The following CYREN variants were observed in gnomAD, a reference collection of about 807,000 sequenced individuals.
CYREN encodes the protein cell cycle regulator of NHEJ, also known as cell cycle regulator of non-homologous end joining.
In CYREN, 7 loss-of-function variants were observed where a neutral mutation model predicts 9.7. The ratio of observed to expected loss-of-function variants is 0.72; its 90% CI spans 0.41 to 1.36. The LOEUF is 1.36. Among genes scored for constraint, CYREN ranks in the 40% most tolerant of loss-of-function variants. CYREN has a pLI of 0.01. For missense variants in CYREN, 215 were observed against 198.1 expected (o/e 1.09, Z -0.51); for synonymous variants, 76 against 77.9 (o/e 0.98, Z 0.13).
At chr7:135,169,227 A>G in intron 1 of CYREN, 167 bp from the exon 2 acceptor site, 1 of 230,652 alleles carries the variant, frequency 4.3e-6, no homozygotes, top group South Asian at 7.9e-5. Context: ...CTCAGGAGAG[A>G]GCCCTCTGAC....
At chr7:135,133,479 A>C (rs1046476007) in intron 2 of CYREN, among the ~76,000 whole-genome samples, 2 of 152,232 alleles carry the variant, frequency 1.3e-5, no homozygotes, top group African/African-American at 2.4e-5. Flanking sequence ...CAATTTTGAC[A>C]AACAAGGATA....
chr7:135,149,077 T>G (rs978835648), intron 2 of CYREN, among the ~76,000 whole-genome samples: 47 of 152,218 alleles, frequency 3.1e-4, no homozygotes, highest in African/African-American at 1.1e-3. Context: ...ACTCAGTCCA[T>G]GAGATATTTT....
intron 2 of CYREN, chr7:135,094,604 T>G (rs1278763325): frequency 4.4e-6 from 2 of 450,802 alleles, no homozygotes; most frequent in African/African-American, 4.0e-5. Flanking sequence ...AGAAGAAGAG[T>G]AAACATTGTG....
downstream of CYREN, chr7:135,164,413 C>T (rs753566403): frequency 5.7e-6 from 9 of 1,578,766 alleles, no homozygotes; most frequent in East Asian, 2.3e-5. Context: ...GTGACTTCCC[C>T]GCAGGTCCCC....
chr7:135,169,107 C>G (rs1014743749), intron 1 of CYREN, 47 bp from the exon 2 acceptor site: 4 of 600,478 alleles, frequency 6.7e-6, no homozygotes, highest in Admixed American at 3.3e-5. Flanking sequence ...CTCCAGTCAT[C>G]AGGCACAGTT....
intron 2 of CYREN, among the ~76,000 whole-genome samples, chr7:135,108,975 T>C (rs1825195729): frequency 6.6e-6 from 1 of 152,232 alleles, no homozygotes; most frequent in African/African-American, 2.4e-5. Context: ...TGGTCTATTC[T>C]GCTGTTAATA....
chr7:135,134,907 C>T (rs1188470926), intron 2 of CYREN: 2 of 1,551,008 alleles, frequency 1.3e-6, no homozygotes, highest in Non-Finnish European at 1.7e-6. Flanking sequence ...CCAGAAATCA[C>T]CCTTTTGTAA....
rs995015338 is a variant in CYREN, at chr7:135,168,569, C to T, written c.137+217G>A. 3 of 618,226 alleles carry T rather than the reference C, an allele frequency of 4.9e-6. No homozygotes were observed. The South Asian group carries it at 6.3e-5, about 13-fold the overall frequency. The allele number at this position is 618,226 out of a possible 1,614,324, so 38.3% of individuals were successfully genotyped here. A position where few individuals can be genotyped will look rare whatever the true frequency, so the allele number is the denominator to read the frequency against. On this transcript the variant is annotated intron_variant, in intron 2 of 3. Coordinates refer to ENST00000393114, the MANE Select transcript of CYREN (RefSeq NM_024033.4). ...GTGTGTGCTGAGGGCAGGGCACTCA[C>T]CAGTGCAGAGGCAGAAGTGGGTGCC...
At chr7:135,106,818 A>G (rs1824798565) in intron 2 of CYREN, among the ~76,000 whole-genome samples, 1 of 152,184 alleles carries the variant, frequency 6.6e-6, no homozygotes, top group Non-Finnish European at 1.5e-5. Flanking sequence ...ATCTGATTGA[A>G]TTCAGCTGTG....
chr7:135,144,240 A>G (rs1192142834), intron 2 of CYREN, among the ~76,000 whole-genome samples: 1 of 152,170 alleles, frequency 6.6e-6, no homozygotes, highest in Non-Finnish European at 1.5e-5. Flanking sequence ...AAAAGACCAG[A>G]GGCTACTACG....
exon 3 of CYREN, chr7:135,094,389 A>T (rs1417110753): frequency 4.4e-6 from 2 of 456,706 alleles, no homozygotes; most frequent in Non-Finnish European, 8.8e-6. Flanking sequence ...CTGAGGCAGA[A>T]GCTGCTAGAA....
At chr7:135,158,788 G>C (rs1371471538) in intron 2 of CYREN, among the ~76,000 whole-genome samples, 2 of 152,200 alleles carry the variant, frequency 1.3e-5, no homozygotes, top group Admixed American at 1.3e-4. Context: ...AGGGGTGCAT[G>C]GGAGCACCTG....
At chr7:135,166,904 A>G (rs370659014) in intron 3 of CYREN, 33 bp from the exon 4 acceptor site, 15 of 1,600,726 alleles carry the variant, frequency 9.4e-6, no homozygotes, top group Non-Finnish European at 1.3e-5. Flanking sequence ...GGCTCAACAT[A>G]CGTGTTTTAT....
Position 135,145,314 on chromosome 7 carries a change from G to A in CYREN, n.356+23435C>T, listed in dbSNP as rs148138713. Among the ~76,000 whole-genome samples, 16 of 152,296 alleles carry A rather than the reference G, an allele frequency of 1.1e-4. No individual in the cohort carries two copies. The East Asian group carries it at 2.1e-3, about 20-fold the overall frequency. ...GTAAGTTCTCAAAAAATTCTCTTCA[G>A]TGTACCCATTTCTCAGGAAGTTACT... On this transcript the variant is annotated intron_variant and non_coding_transcript_variant, in intron 2 of 2. Coordinates refer to the CYREN transcript ENST00000459937.
chr7:135,094,237 C>T (rs1392421466), exon 3 of CYREN: 3 of 379,522 alleles, frequency 7.9e-6, no homozygotes, highest in Admixed American at 3.3e-5. Flanking sequence ...CATTCCTGTC[C>T]TTACAACAAC....
At chr7:135,136,750 C>T (rs770366646) in intron 2 of CYREN, among the ~76,000 whole-genome samples, 3 of 152,028 alleles carry the variant, frequency 2.0e-5, no homozygotes, top group Non-Finnish European at 2.9e-5. Context: ...TTTGAATCTT[C>T]GACTGCCTAA....
intron 2 of CYREN, among the ~76,000 whole-genome samples, chr7:135,153,986 T>A (rs1402322924): frequency 6.6e-6 from 1 of 152,208 alleles, no homozygotes; most frequent in African/African-American, 2.4e-5. Flanking sequence ...CTTGGGAGTT[T>A]TTTATTATTG....
intron 2 of CYREN, among the ~76,000 whole-genome samples, chr7:135,128,077 A>G (rs1286354593): frequency 6.6e-6 from 1 of 152,050 alleles, no homozygotes; most frequent in African/African-American, 2.4e-5. Context: ...GTGGATCACA[A>G]GGTCAGGAGT....
upstream of CYREN, among the ~76,000 whole-genome samples, chr7:135,171,066 GC>G (rs528340698): frequency 6.6e-6 from 1 of 152,148 alleles, no homozygotes; most frequent in East Asian, 1.9e-4. Context: ...GCTGGGCCAG[GC>G]CCCCCTCGTG....
Sources: allele counts gnomAD v4.1 joint callset (sites outside exome capture counted in the v4.1 genomes callset), GRCh38; gene constraint gnomAD v4.1.1; transcripts MANE v1.5; gene names NCBI Gene and HGNC (gene_info 2026-07-23, HGNC 2026-07-21).